Variants in SPATS2 observed in about 807,000 individuals in gnomAD.
SPATS2 encodes the protein spermatogenesis-associated serine-rich protein 2.
SPATS2 carries 38 observed loss-of-function variants against 63.7 expected under a neutral mutation model. The observed-to-expected ratio is 0.60, with a 90% CI of 0.46 to 0.78. The LOEUF (loss-of-function observed/expected upper bound fraction) is 0.78, where lower values mean the gene tolerates loss of function less well. SPATS2 is among the 30% of genes least tolerant of loss of function. The pLI, the probability that SPATS2 is intolerant of heterozygous loss-of-function variation, is 0.00. For synonymous variants in SPATS2, 207 were observed against 232.9 expected (o/e 0.89, Z 1.01); for missense variants, 588 against 666.2 (o/e 0.88, Z 1.29).
At chr12:49,525,815 A>C (rs533756697) in intron 13 of SPATS2, 129 bp from the exon 14 acceptor site, 3 of 994,190 alleles carry the variant, frequency 3.0e-6, no homozygotes, top group Admixed American at 2.9e-5. Flanking sequence ...GAATTCTTTG[A>C]GTCTTGAGAG....
At chr12:49,486,779 A>C (rs933982562) in intron 4 of SPATS2, among the ~76,000 whole-genome samples, 1 of 141,478 alleles carries the variant, frequency 7.1e-6, no homozygotes. Flanking sequence ...AGACTCCGTC[A>C]AAAAAAAAAA....
Position 49,494,910 on chromosome 12 carries a change from A to C in SPATS2, c.434A>C (p.Asp145Ala). The C allele has an allele frequency of 6.2e-7, 1 of 1,613,854 alleles. No individual in the cohort carries two copies. Residue 145 changes from aspartate to alanine, a missense_variant, in exon 7 of 14, where the codon GAC (aspartate) becomes GCC (alanine). Transcript: ENST00000552918. Reference sequence around the variant, plus strand: ...GCCATCAATGACACTGAGTCTGTGGACTCACTCAGTGAAGGTTTGGAGACA... The same window carrying C: ...GCCATCAATGACACTGAGTCTGTGGCCTCACTCAGTGAAGGTTTGGAGACA... The part of the protein sequence containing the change: ...NGAINDTESV[D>A]SLSEGLETLS...
intron 2 of SPATS2, among the ~76,000 whole-genome samples, chr12:49,380,191 A>G (rs1944190639): frequency 6.8e-6 from 1 of 146,290 alleles, no homozygotes; most frequent in African/African-American, 2.5e-5. Context: ...TTTTGAGACA[A>G]AATCTCACTC....
intron 9 of SPATS2, among the ~76,000 whole-genome samples, chr12:49,503,617 C>T (rs1393571697): frequency 6.6e-6 from 1 of 151,292 alleles, no homozygotes; most frequent in Non-Finnish European, 1.5e-5. Context: ...CCACTGCACT[C>T]CATCCTGGGC....
At chr12:49,407,262 G>A (rs1800648459) in intron 2 of SPATS2, among the ~76,000 whole-genome samples, 1 of 152,198 alleles carries the variant, frequency 6.6e-6, no homozygotes, top group Middle Eastern at 3.4e-3. Flanking sequence ...TTGTCTTTGT[G>A]TAGTCTTTTC....
At chr12:49,472,357 A>G (rs1946049463) in intron 3 of SPATS2, among the ~76,000 whole-genome samples, 1 of 151,952 alleles carries the variant, frequency 6.6e-6, no homozygotes, top group South Asian at 2.1e-4. Flanking sequence ...AAAACATAAA[A>G]TATACTAACC....
intron 2 of SPATS2, among the ~76,000 whole-genome samples, chr12:49,457,089 T>C (rs1281802582): frequency 6.6e-6 from 1 of 152,136 alleles, no homozygotes; most frequent in African/African-American, 2.4e-5. Context: ...ATTTATTTTA[T>C]AGCTTTTTTT....
At chr12:49,441,191 G>T (rs987813068) in intron 2 of SPATS2, among the ~76,000 whole-genome samples, 6 of 152,046 alleles carry the variant, frequency 3.9e-5, no homozygotes, top group African/African-American at 1.2e-4. Context: ...CCTTCTTACT[G>T]CTACATTCCT....
At chr12:49,496,713 A>G in intron 7 of SPATS2, 120 bp from the exon 8 acceptor site, 5 of 948,938 alleles carry the variant, frequency 5.3e-6, no homozygotes, top group Non-Finnish European at 7.9e-6. Context: ...GATTTTGTTT[A>G]CAGTCTTTTA....
Position 49,454,786 on chromosome 12 carries a change from G to A in SPATS2, c.-243-5984G>A, listed in dbSNP as rs536521257. Among the ~76,000 whole-genome samples, 77 of 152,016 alleles carry A rather than the reference G, an allele frequency of 5.1e-4. 1 individual carries two copies. Among genetic ancestry groups the A allele is most frequent in the African/African-American group, 1.7e-3 (72 of 41,486 alleles). The stretch of plus-strand genomic sequence containing the variant: ...TAGCCGTGACTCAGGAGGCTGAGGT[G>A]GGAGGATCATCTGAGCCTGGGAGGT... On this transcript the variant is annotated intron_variant, in intron 2 of 13. Coordinates refer to ENST00000552918, the MANE Select transcript of SPATS2 (RefSeq NM_023071.4).
intron 2 of SPATS2, among the ~76,000 whole-genome samples, chr12:49,373,662 C>G (rs575282030): frequency 6.6e-6 from 1 of 152,036 alleles, no homozygotes; most frequent in African/African-American, 2.4e-5. Flanking sequence ...CATGGTGGCT[C>G]AAGCCTGTAA....
At chr12:49,426,550 A>C (rs930170230) in intron 2 of SPATS2, among the ~76,000 whole-genome samples, 2 of 151,886 alleles carry the variant, frequency 1.3e-5, no homozygotes, top group Non-Finnish European at 2.9e-5. Flanking sequence ...TTGCTGTATC[A>C]TATTCTTTTT....
At chr12:49,379,475 C>T (rs1310014817) in intron 2 of SPATS2, among the ~76,000 whole-genome samples, 2 of 136,686 alleles carry the variant, frequency 1.5e-5, no homozygotes, top group East Asian at 2.4e-4. Flanking sequence ...GGCGTGAACC[C>T]GGGAGGCAGA....
intron 9 of SPATS2, among the ~76,000 whole-genome samples, chr12:49,508,745 CTTTT>C (rs543241049): frequency 7.0e-6 from 1 of 142,204 alleles, no homozygotes; most frequent in Non-Finnish European, 1.5e-5. Flanking sequence ...CTGGCTCAGC[CTTTT>C]TTTTTTTTTT....
intron 2 of SPATS2, among the ~76,000 whole-genome samples, chr12:49,372,219 CT>C (rs1450525237): frequency 6.6e-6 from 1 of 151,864 alleles, no homozygotes; most frequent in African/African-American, 2.4e-5. Flanking sequence ...TAATTTTTGT[CT>C]TTTTAGTAGA....
intron 3 of SPATS2, among the ~76,000 whole-genome samples, chr12:49,480,465 G>T (rs748575375): frequency 3.3e-5 from 5 of 152,102 alleles, no homozygotes; most frequent in African/African-American, 7.2e-5. Flanking sequence ...GTTATATTGA[G>T]ATGATTATTC....
intron 2 of SPATS2, among the ~76,000 whole-genome samples, chr12:49,395,824 T>C (rs1313105562): frequency 6.6e-6 from 1 of 152,244 alleles, no homozygotes; most frequent in East Asian, 1.9e-4. Context: ...ATATTAACTA[T>C]AGGGACAGTG....
chr12:49,389,953 G>T, intron 2 of SPATS2: 7 of 804,662 alleles, frequency 8.7e-6, no homozygotes, highest in Middle Eastern at 2.5e-4. Context: ...AAATATGGCA[G>T]CAGTAATGAA....
At chr12:49,426,554 T>G (rs982973230) in intron 2 of SPATS2, among the ~76,000 whole-genome samples, 1 of 152,222 alleles carries the variant, frequency 6.6e-6, no homozygotes, top group African/African-American at 2.4e-5. Context: ...TGTATCATAT[T>G]CTTTTTTTTG....
Sources: allele counts gnomAD v4.1 joint callset (sites outside exome capture counted in the v4.1 genomes callset), GRCh38; gene constraint gnomAD v4.1.1; transcripts MANE v1.5; gene names NCBI Gene and HGNC (gene_info 2026-07-23, HGNC 2026-07-21).